The following SYT7 variants were observed in gnomAD, a reference collection of about 807,000 sequenced individuals.
SYT7 encodes synaptotagmin-7.
Under a neutral mutation model 75.1 loss-of-function variants are expected in SYT7, and 29 were observed. That is an observed-to-expected ratio of 0.39 (90% CI 0.29 to 0.53). SYT7 has a LOEUF of 0.53. SYT7 is among the 20% of genes least tolerant of loss of function. The pLI, the probability that SYT7 is intolerant of heterozygous loss-of-function variation, is 0.77. For missense variants in SYT7, 693 were observed against 953.2 expected, an observed-to-expected ratio of 0.73 and a Z score of 3.59; for synonymous variants, 376 against 401.7, an observed-to-expected ratio of 0.94 and a Z score of 0.76.
At chr11:61,575,224 C>T (rs887646) in intron 1 of SYT7, among the ~76,000 whole-genome samples, 20,649 of 152,034 alleles carry the variant, frequency 0.14, 3,625 homozygotes, top group African/African-American at 0.41. Flanking sequence ...CCCCTTTCTC[C>T]TTCAGTCAGC....
intron 2 of SYT7, 31 bp downstream of exon 2, chr11:61,556,073 C>A (rs764379378): frequency 3.1e-6 from 5 of 1,589,824 alleles, no homozygotes; most frequent in Non-Finnish European, 4.3e-6. Context: ...GGGCTAGGCA[C>A]CACCCTCCAA....
At chr11:61,559,518 G>A (rs1201935252) in intron 1 of SYT7, among the ~76,000 whole-genome samples, 5 of 152,270 alleles carry the variant, frequency 3.3e-5, no homozygotes, top group Non-Finnish European at 7.4e-5. Flanking sequence ...AGCAGGGGAA[G>A]GATGGGATCA....
chr11:61,527,821 ATG>A (rs1477595977), intron 9 of SYT7, 92 bp downstream of exon 9: 45 of 1,457,730 alleles, frequency 3.1e-5, no homozygotes, highest in Non-Finnish European at 3.7e-5. Flanking sequence ...GTGTACACAT[ATG>A]TGTCTGTGCA....
At chr11:61,537,287 C>T (rs1317506035) in intron 7 of SYT7, among the ~76,000 whole-genome samples, 4 of 152,184 alleles carry the variant, frequency 2.6e-5, no homozygotes, top group Admixed American at 6.5e-5. Flanking sequence ...TGTGGGATGC[C>T]GCCTGAACCC....
rs1397930358 is a variant in SYT7, at chr11:61,542,989, C to T, written c.573-410G>A. 6.6e-6 allele frequency among the ~76,000 whole-genome samples: 1 copy of T among 152,194 alleles called. No homozygotes were observed. Among genetic ancestry groups the T allele is most frequent in the Admixed American group, 6.5e-5 (1 of 15,286 alleles). On this transcript the variant is annotated intron_variant, in intron 5 of 12. Coordinates refer to ENST00000539008, the MANE Select transcript of SYT7 (RefSeq NM_001365809.2). This position sits in a 1 kb window ranked among gnomAD's most constrained non-coding sequence, Gnocchi z 7.8. ...TAGAGGGAGCTGCTGTGGCCCCTCC[C>T]GCTATTTCGCTGGGGGACACCAGGA...
At chr11:61,567,854 G>A (rs925001719) in intron 1 of SYT7, among the ~76,000 whole-genome samples, 1 of 152,250 alleles carries the variant, frequency 6.6e-6, no homozygotes, top group South Asian at 2.1e-4. Flanking sequence ...AGCTTGCGGC[G>A]TTGCCCGACA....
Position 61,580,825 on chromosome 11 carries a change from C to A in SYT7, c.-5G>T. On this transcript the variant is annotated 5_prime_UTR_variant, in exon 1 of 13. Transcript: ENST00000539008. This position sits in a 1 kb window ranked among gnomAD's most constrained non-coding sequence, Gnocchi z 6.1. ...CGCCTCCGGGTCCCGGTACATGGTC[C>A]CCTCGTCGCCGGTTCCCTCCGGGCT... 1 of 1,266,882 alleles carries A rather than the reference C, an allele frequency of 7.9e-7. No individual in the cohort carries two copies. The highest frequency in any genetic ancestry group is 1.0e-6 in the Non-Finnish European group (1 of 1,004,030). The allele number at this position is 1,266,882 out of a possible 1,614,324, so 78.5% of individuals were successfully genotyped here. A position where few individuals can be genotyped will look rare whatever the true frequency, so the allele number is the denominator to read the frequency against.
In SYT7 at chr11:61,529,426, G is replaced by A. The variant is rs112190491; in HGVS notation, c.1201-1241C>T. Among the ~76,000 whole-genome samples the A allele has an allele frequency of 2.2e-4, 34 of 152,302 alleles. 1 individual carries two copies. The highest frequency in any genetic ancestry group is 7.7e-4 in the African/African-American group (32 of 41,552). The stretch of plus-strand genomic sequence containing the variant: ...TCCTGACAATAGCCAGGCGAGGCAG[G>A]TGTCACCACCCTCTAGCTGAAGAGA... On this transcript the variant is annotated intron_variant, in intron 8 of 12. Transcript: ENST00000539008.
intron 1 of SYT7, among the ~76,000 whole-genome samples, chr11:61,572,046 T>C (rs2063936267): frequency 1.3e-5 from 2 of 152,108 alleles, no homozygotes; most frequent in South Asian, 2.1e-4. Flanking sequence ...AGGCCTCAGC[T>C]GACAGGCTGT....
At chr11:61,540,462 G>GCAAA in intron 6 of SYT7, 1 of 953,048 alleles carries the variant, frequency 1.0e-6, no homozygotes. Context: ...CATGCCTCTT[G>GCAAA]CAAAGCCTAA....
chr11:61,584,965 C>T (rs1163734904), upstream of SYT7, among the ~76,000 whole-genome samples: 2 of 152,198 alleles, frequency 1.3e-5, no homozygotes, highest in Admixed American at 6.5e-5. Context: ...GCAGGAAATG[C>T]GGGCAGCACC....
chr11:61,542,349 C>T lies in SYT7; in HGVS notation c.803G>A (p.Gly268Asp). The T allele has an allele frequency of 1.3e-6, 2 of 1,530,500 alleles. No individual in the cohort carries two copies. The highest frequency in any genetic ancestry group is 1.7e-6 in the Non-Finnish European group (2 of 1,144,244). The allele number at this position is 1,530,500 out of a possible 1,614,324, so 94.8% of individuals were successfully genotyped here. The change falls in exon 6 of 13, where the codon GGC (glycine) becomes GAC (aspartate). Residue 268 changes from glycine (G) to aspartate (D), a missense_variant. Physicochemically the swap from Gly to Asp is moderately conservative, Grantham distance 94. This residue lies in a region of SYT7 where 487 missense variants were observed against 593.2 expected (regional missense o/e 0.82). Coordinates refer to ENST00000539008, the MANE Select transcript of SYT7 (RefSeq NM_001365809.2). The surrounding 1 kb of genome is among the most constrained non-coding windows in gnomAD (Gnocchi z 7.8). ...GGTGCCCTGCCGAGCCTGGCCCCGG[C>T]CATAGGCCCGGGGGTTGGGGCCTGG... ...SAPGPNPRAY[G>D]RGQARQGTSA... is the part of the protein sequence containing the mutation.
chr11:61,523,034 T>G lies in SYT7; in HGVS notation c.1956+41A>C. On this transcript the variant is annotated intron_variant, in intron 12 of 12. Coordinates refer to ENST00000539008, the MANE Select transcript of SYT7 (RefSeq NM_001365809.2). This position sits in a 1 kb window ranked among gnomAD's most constrained non-coding sequence, Gnocchi z 5.0. ...CTTCTTTTAAGGAACGGAGCCTCAC[T>G]GGTGCCAGCAGGTGCACCACACCAC... The G allele has an allele frequency of 6.2e-7, 1 of 1,608,136 alleles. No individual in the cohort carries two copies.
At chr11:61,543,151 A>C (rs2063096238) in intron 5 of SYT7, among the ~76,000 whole-genome samples, 1 of 152,198 alleles carries the variant, frequency 6.6e-6, no homozygotes, top group African/African-American at 2.4e-5. Flanking sequence ...GAGGCAAGGA[A>C]GCGGCAGACC....
chr11:61,534,413 G>GCA (rs796187429), intron 7 of SYT7, among the ~76,000 whole-genome samples: 1 of 149,688 alleles, frequency 6.7e-6, no homozygotes, highest in African/African-American at 2.5e-5. Context: ...ACACACGCAC[G>GCA]CACACATGCG....
rs922973144 is a variant in SYT7 at position 61,553,301 on chromosome 11, A to G, written c.136-1838T>C. Among the ~76,000 whole-genome samples the G allele has an allele frequency of 2.0e-5, 3 of 152,126 alleles. No homozygotes were observed. The highest frequency in any genetic ancestry group is 4.8e-5 in the African/African-American group (2 of 41,430). On this transcript the variant is annotated intron_variant, in intron 2 of 12. Transcript: ENST00000539008. This position sits in a 1 kb window ranked among gnomAD's most constrained non-coding sequence, Gnocchi z 5.2. ...CCTCAGGCAGGAGCCCCGCCCCACT[A>G]TTCTCCAGCACACAGGCAGTGTGGG... is the stretch of plus-strand genomic sequence containing the variant.
chr11:61,533,656 AC>A, intron 7 of SYT7: 2 of 985,342 alleles, frequency 2.0e-6, no homozygotes, highest in Non-Finnish European at 2.4e-6. Flanking sequence ...CAGACGTGAG[AC>A]TGACCAGGTG....
chr11:61,580,937 G>C lies in SYT7; in HGVS notation c.-117C>G. On this transcript the variant is annotated 5_prime_UTR_variant, in exon 1 of 13. Transcript: ENST00000539008. This position sits in a 1 kb window ranked among gnomAD's most constrained non-coding sequence, Gnocchi z 6.1. ...ACCCCCGGGGGCGGGTCCGAGGGCG[G>C]GGGCCGAGCGGGCTGCACCTAGCCG... is the stretch of plus-strand genomic sequence containing the variant. 1 of 1,011,454 alleles carries C rather than the reference G, an allele frequency of 9.9e-7. No homozygotes were observed. The highest frequency in any genetic ancestry group is 1.2e-6 in the Non-Finnish European group (1 of 847,930). The allele number at this position is 1,011,454 out of a possible 1,614,324, so 62.7% of individuals were successfully genotyped here.
intron 5 of SYT7, among the ~76,000 whole-genome samples, chr11:61,544,963 C>T (rs2063143907): frequency 6.6e-6 from 1 of 152,178 alleles, no homozygotes; most frequent in African/African-American, 2.4e-5. Context: ...GTTGAGGCAA[C>T]AGGATGGCCC....
Sources: allele counts gnomAD v4.1 joint callset (sites outside exome capture counted in the v4.1 genomes callset), GRCh38; gene constraint gnomAD v4.1.1; regional missense constraint gnomAD v4.1.1; non-coding constraint Gnocchi (gnomAD v3.1); transcripts MANE v1.5; gene names NCBI Gene and HGNC (gene_info 2026-07-23, HGNC 2026-07-21).